ABCA9: variants seen among roughly 807,000 people sequenced by gnomAD.
The protein encoded by ABCA9 is ATP binding cassette subfamily A member 9.
Under a neutral mutation model 205.3 loss-of-function variants are expected in ABCA9, and 183 were observed. The observed-to-expected ratio is 0.89, with a 90% CI of 0.79 to 1.01. ABCA9 has a LOEUF of 1.01. Among genes scored for constraint, ABCA9 ranks in the 50% least tolerant of loss-of-function variants. ABCA9 has a pLI of 0.00. For synonymous variants in ABCA9, 651 were observed against 683.3 expected, an observed-to-expected ratio of 0.95 and a Z score of 0.74; for missense variants, 1,805 against 1,912.4, an observed-to-expected ratio of 0.94 and a Z score of 1.05.
At chr17:69,055,779 T>G (rs1305650812) in intron 1 of ABCA9, among the ~76,000 whole-genome samples, 4 of 151,976 alleles carry the variant, frequency 2.6e-5, no homozygotes, top group African/African-American at 9.7e-5. Flanking sequence ...AAACACACCT[T>G]AGAAAATTTA....
At chr17:68,996,683 A>C (rs2069637109) in intron 25 of ABCA9, among the ~76,000 whole-genome samples, 1 of 152,200 alleles carries the variant, frequency 6.6e-6, no homozygotes, top group Admixed American at 6.5e-5. Flanking sequence ...CATATTATTT[A>C]TTGTAGGCAT....
chr17:69,034,724 AG>A (rs1397430167), intron 8 of ABCA9: 1 of 152,234 alleles, frequency 6.6e-6, no homozygotes, highest in African/African-American at 2.4e-5. Context: ...AACATGAAAC[AG>A]TAAAATACTT....
chr17:69,012,721 C>G (rs1433096423), intron 22 of ABCA9, among the ~76,000 whole-genome samples: 2 of 152,104 alleles, frequency 1.3e-5, no homozygotes, highest in Non-Finnish European at 2.9e-5. Flanking sequence ...AGCATTTATC[C>G]TTTGCGTTAC....
At position 69,026,384 on chromosome 17, in the gene ABCA9, G is replaced by T; in HGVS notation, c.2134C>A (p.His712Asn). Residue 712 changes from histidine (H) to asparagine (N), a missense_variant, in exon 16 of 39, where the codon CAT becomes AAT. His to Asn is a moderately conservative substitution (Grantham distance 68). Coordinates refer to ENST00000340001, the MANE Select transcript of ABCA9 (RefSeq NM_080283.4). ...CAACATTCAGGGCTGTACCTTAAAT[G>T]GTAGCCTATGCCCCATTTCTTCTTA... ...FLKKKWGIGY[H>N]LSLHLNERCD... 1 of 1,613,174 alleles carries T rather than the reference G, an allele frequency of 6.2e-7. No individual in the cohort carries two copies. The highest frequency in any genetic ancestry group is 1.1e-5 in the South Asian group (1 of 91,000).
In ABCA9 at chr17:68,983,692, A is replaced by G. The variant is rs375392315; in HGVS notation, c.4640+17T>C. 3 of 1,612,652 alleles carry G rather than the reference A, an allele frequency of 1.9e-6. No homozygotes were observed. Among genetic ancestry groups the G allele is most frequent in the Non-Finnish European group, 2.5e-6 (3 of 1,179,622 alleles). Reference sequence around the variant, plus strand: ...CAAAAACCAAGGACTGTGATAAAACAAAACACCTGTGTCTACCTTTCCTGC... The same window carrying G: ...CAAAAACCAAGGACTGTGATAAAACGAAACACCTGTGTCTACCTTTCCTGC... On this transcript the variant is annotated intron_variant, in intron 36 of 38. Coordinates refer to ENST00000340001, the MANE Select transcript of ABCA9 (RefSeq NM_080283.4).
In ABCA9 at chr17:68,985,049, G is replaced by T; in HGVS notation, c.4284+4C>A. On this transcript the variant is annotated splice_donor_region_variant and intron_variant, in intron 33 of 38. Coordinates refer to ENST00000340001, the MANE Select transcript of ABCA9 (RefSeq NM_080283.4). ...TGCAGAGCAACAACAAGCCCTGCCC[G>T]TACCTTTCGCTTTATTCCCTCTGAC... The T allele has an allele frequency of 1.2e-6, 2 of 1,614,190 alleles. No individual in the cohort carries two copies. The highest frequency in any genetic ancestry group is 1.7e-6 in the Non-Finnish European group (2 of 1,180,038).
chr17:68,982,897 C>T (rs938952876), intron 36 of ABCA9, among the ~76,000 whole-genome samples: 2 of 152,022 alleles, frequency 1.3e-5, no homozygotes, highest in African/African-American at 4.8e-5. Context: ...TCCCAGCTAC[C>T]ATGGAGGCTG....
At chr17:69,071,171 A>T in the ABCA9 span, among the ~76,000 whole-genome samples, 3 of 152,238 alleles carry the variant, frequency 2.0e-5, no homozygotes, top group Non-Finnish European at 4.4e-5. Flanking sequence ...CAGCTTCAGC[A>T]GACTTAAACG....
intron 3 of ABCA9, 134 bp downstream of exon 3, chr17:69,049,149 G>T: frequency 1.0e-6 from 1 of 998,406 alleles, no homozygotes; most frequent in Non-Finnish European, 1.4e-6. Flanking sequence ...TTTGAGACTT[G>T]GAAGGAATAT....
In ABCA9 at chr17:69,045,388, G is replaced by A. The variant is rs747568382; in HGVS notation, c.305-52C>T. 11 of 1,534,732 alleles carry A rather than the reference G, an allele frequency of 7.2e-6. No homozygotes were observed. The African/African-American group carries it at 1.3e-4, about 18-fold the overall frequency. ...TAGTTAAGCAAGAAAATCTCTACCT[G>A]GCCATATTCAATTATGTTGAGGTTA... is the stretch of plus-strand genomic sequence containing the variant. On this transcript the variant is annotated intron_variant, in intron 3 of 38. Transcript: ENST00000340001.
At chr17:68,982,675 G>T (rs758200564) in intron 36 of ABCA9, 34 bp from the exon 37 acceptor site, 24 of 1,573,684 alleles carry the variant, frequency 1.5e-5, no homozygotes, top group Non-Finnish European at 1.8e-5. Context: ...TGAACTCCAG[G>T]TGTCAAGGTT....
chr17:68,999,373 G>A (rs1447691550), intron 25 of ABCA9, among the ~76,000 whole-genome samples: 3 of 137,796 alleles, frequency 2.2e-5, no homozygotes, highest in Non-Finnish European at 3.1e-5. Context: ...GAGAATATGC[G>A]GTGTTTGGTT....
chr17:69,036,596 AC>A (rs2071345651), intron 6 of ABCA9, among the ~76,000 whole-genome samples: 1 of 151,968 alleles, frequency 6.6e-6, no homozygotes, highest in South Asian at 2.1e-4. Context: ...ATAAAGACCA[AC>A]GACACTATGA....
intron 10 of ABCA9, among the ~76,000 whole-genome samples, chr17:69,031,713 A>G (rs2071155336): frequency 6.6e-6 from 1 of 152,184 alleles, no homozygotes; most frequent in Non-Finnish European, 1.5e-5. Flanking sequence ...TAAGCCAGGA[A>G]GGGAAGATGA....
In ABCA9 at chr17:69,045,225, T is replaced by C. The variant is rs369732553; in HGVS notation, c.416A>G (p.Lys139Arg). The change falls in exon 4 of 39, where the codon AAG (lysine) becomes AGG (arginine). Residue 139 changes from lysine to arginine, a missense_variant. Coordinates refer to ENST00000340001, the MANE Select transcript of ABCA9 (RefSeq NM_080283.4). The stretch of plus-strand genomic sequence containing the variant: ...GGGGATTCTATGTCCCCAAGAAAAC[T>C]TCAAATGGTAGGAGAAGGTATCAGT... ...IFTDTFSYHL[K>R]FSWGHRIPMM... The C allele has an allele frequency of 8.7e-6, 14 of 1,613,098 alleles. No homozygotes were observed. The African/African-American group carries it at 1.7e-4, about 20-fold the overall frequency.
chr17:69,039,523 A>C (rs1320261386), intron 6 of ABCA9, among the ~76,000 whole-genome samples: 2 of 152,128 alleles, frequency 1.3e-5, no homozygotes, highest in Non-Finnish European at 2.9e-5. Flanking sequence ...CAGAAACTGG[A>C]CCCCTTCCTT....
At chr17:69,012,457 T>TGTCA (rs951528063) in intron 22 of ABCA9, 5 of 160,910 alleles carry the variant, frequency 3.1e-5, no homozygotes, top group East Asian at 1.8e-4. Flanking sequence ...GATTGTGGAC[T>TGTCA]GTCAGTGGAG....
chr17:69,009,405 T>A (rs913525503), intron 23 of ABCA9, among the ~76,000 whole-genome samples: 3 of 143,116 alleles, frequency 2.1e-5, no homozygotes, highest in African/African-American at 7.4e-5. Flanking sequence ...AGAAGACCCT[T>A]CCGTGGAAAG....
At chr17:69,065,840 G>T (rs1289041746), upstream of ABCA9, among the ~76,000 whole-genome samples, 2 of 152,084 alleles carry the variant, frequency 1.3e-5, no homozygotes, top group Non-Finnish European at 2.9e-5. Flanking sequence ...AATCATGAGG[G>T]CAGTTACCCT....
Sources: allele counts gnomAD v4.1 joint callset (sites outside exome capture counted in the v4.1 genomes callset), GRCh38; gene constraint gnomAD v4.1.1; transcripts MANE v1.5; gene names NCBI Gene and HGNC (gene_info 2026-07-23, HGNC 2026-07-21).